MYO5A: variants seen among roughly 807,000 people sequenced by gnomAD.
MYO5A encodes myosin VA.
In MYO5A, 98 loss-of-function variants were observed where a neutral mutation model predicts 249.7. The ratio of observed to expected loss-of-function variants is 0.39; its 90% CI spans 0.33 to 0.46. MYO5A has a LOEUF of 0.46. Among genes scored for constraint, MYO5A ranks in the 20% least tolerant of loss-of-function variants. The probability of loss-of-function intolerance (pLI) is 0.98; values close to 1 mark genes in which losing one functional copy is unlikely to be tolerated. For synonymous variants in MYO5A, 778 were observed against 810.6 expected (o/e 0.96, Z 0.68); for missense variants, 1,696 against 2,308.8 (o/e 0.73, Z 5.44).
chr15:52,485,683 GT>G (rs1175751863), intron 1 of MYO5A, among the ~76,000 whole-genome samples: 1 of 152,094 alleles, frequency 6.6e-6, no homozygotes, highest in African/African-American at 2.4e-5. Context: ...AAAGGAGTGG[GT>G]TTTACATAGA....
rs563777690 is a variant in MYO5A, at chr15:52,523,864, A to G, written c.27+4916T>C. Among the ~76,000 whole-genome samples, 6 of 151,254 alleles carry G rather than the reference A, an allele frequency of 4.0e-5. No individual in the cohort carries two copies. In the South Asian group the frequency reaches 1.2e-3, roughly 31 times the overall value. On this transcript the variant is annotated intron_variant, in intron 1 of 41. Transcript: ENST00000399233. ...AAACTCCAAGTCAGGGCACATGATC[A>G]GAGATGAGATTTCTGTTCCTCTTTA...
chr15:52,472,953 T>C (rs887045345), intron 1 of MYO5A, among the ~76,000 whole-genome samples: 5 of 152,238 alleles, frequency 3.3e-5, no homozygotes, highest in East Asian at 1.9e-4. Flanking sequence ...TTCTAGATCC[T>C]TGAGGAATTG....
At chr15:52,340,840 C>G (rs1258372374) in intron 31 of MYO5A, among the ~76,000 whole-genome samples, 1 of 151,636 alleles carries the variant, frequency 6.6e-6, no homozygotes, top group Non-Finnish European at 1.5e-5. Flanking sequence ...CCCAGCTACT[C>G]AGGAGGCTGA....
At position 52,307,449 on chromosome 15, in the gene MYO5A, A is replaced by G. The variant is rs1464507993; in HGVS notation, c.*6247T>C. ...TCTTAGCACTAGGTGATATCTAGTG[A>G]AAACCCATGTTTCAAAGGCTTTTGT... is the stretch of plus-strand genomic sequence containing the variant. On this transcript the variant is annotated 3_prime_UTR_variant, in exon 42 of 42. Transcript: ENST00000399233. 5 of 152,176 alleles carry G rather than the reference A, an allele frequency of 3.3e-5. No individual in the cohort carries two copies. Among genetic ancestry groups the G allele is most frequent in the Admixed American group, 6.5e-5 (1 of 15,280 alleles). The allele number at this position is 152,176 out of a possible 1,614,324, so 9.4% of individuals were successfully genotyped here.
At chr15:52,524,145 T>G (rs1693508) in intron 1 of MYO5A, among the ~76,000 whole-genome samples, 119,865 of 152,144 alleles carry the variant, frequency 0.79, 45,629 homozygotes, top group South Asian at 0.85. Context: ...TTAGATTGTC[T>G]TTGCACTGTT....
chr15:52,459,146 A>ATTTTTTTTTTTTTTTTTTTTTTTTT (rs199923318), intron 1 of MYO5A, among the ~76,000 whole-genome samples: 1 of 49,058 alleles, frequency 2.0e-5, no homozygotes, highest in African/African-American at 5.7e-5. Context: ...ATTTTCCAGA[A>ATTTTTTTTTTTTTTTTTTTTTTTTT]ATTTTTTTTT....
intron 27 of MYO5A, among the ~76,000 whole-genome samples, chr15:52,353,284 G>T (rs1251740220): frequency 6.6e-6 from 1 of 152,226 alleles, no homozygotes; most frequent in Non-Finnish European, 1.5e-5. Flanking sequence ...CTGGAGAGCA[G>T]ATTCCTACTC....
intron 9 of MYO5A, among the ~76,000 whole-genome samples, chr15:52,399,754 T>C (rs978046716): frequency 2.6e-5 from 4 of 152,194 alleles, no homozygotes; most frequent in Non-Finnish European, 4.4e-5. Context: ...ATTTGGAGTA[T>C]GAATGAATCC....
At chr15:52,452,948 A>C (rs2076050036) in intron 1 of MYO5A, among the ~76,000 whole-genome samples, 1 of 152,256 alleles carries the variant, frequency 6.6e-6, no homozygotes, top group East Asian at 1.9e-4. Context: ...ACTAAACCTA[A>C]GAATTATTGG....
chr15:52,505,684 G>T, intron 1 of MYO5A: 1 of 1,253,230 alleles, frequency 8.0e-7, no homozygotes. Flanking sequence ...AAGCATTCAA[G>T]CAGACGTCTT....
intron 1 of MYO5A, among the ~76,000 whole-genome samples, chr15:52,463,797 T>C (rs1052153262): frequency 5.9e-5 from 9 of 152,258 alleles, no homozygotes; most frequent in African/African-American, 2.2e-4. Flanking sequence ...CTCATAGTGT[T>C]AGAAGCTTCC....
At chr15:52,385,879 A>G (rs577518752) in intron 14 of MYO5A, among the ~76,000 whole-genome samples, 1 of 152,288 alleles carries the variant, frequency 6.6e-6, no homozygotes, top group African/African-American at 2.4e-5. Flanking sequence ...CACTGTCCCC[A>G]CTTCAATGGA....
At position 52,392,017 on chromosome 15, in the gene MYO5A, T is replaced by G; in HGVS notation, c.1455A>C (p.Thr485=). ...GCTGATTATCATAAAAATCTATGAG[T>G]GTCCATGGAATTTGTTCCTTCATAT... ...EEYMKEQIPW[T]LIDFYDNQPC... The change falls in exon 12 of 42, where the codon ACA becomes ACC. Residue 485 remains threonine, a synonymous_variant. Coordinates refer to ENST00000399233, the MANE Select transcript of MYO5A (RefSeq NM_001382347.1). 1 of 1,611,176 alleles carries G rather than the reference T, an allele frequency of 6.2e-7. No homozygotes were observed. Among genetic ancestry groups the G allele is most frequent in the Non-Finnish European group, 8.5e-7 (1 of 1,177,898 alleles).
chr15:52,489,347 G>A (rs890072783), intron 1 of MYO5A, among the ~76,000 whole-genome samples: 30 of 151,484 alleles, frequency 2.0e-4, no homozygotes, highest in Non-Finnish European at 2.8e-4. Context: ...GGCGGATCAC[G>A]AGGTCAGGAG....
chr15:52,390,856 G>A (rs1006537347), intron 12 of MYO5A, among the ~76,000 whole-genome samples: 21 of 151,968 alleles, frequency 1.4e-4, no homozygotes, highest in African/African-American at 4.8e-4. Context: ...CATCATGCCC[G>A]GCCTTCTTTA....
intron 7 of MYO5A, among the ~76,000 whole-genome samples, 199 bp from the exon 8 acceptor site, chr15:52,407,598 TTA>T (rs1379435587): frequency 6.6e-6 from 1 of 151,960 alleles, no homozygotes; most frequent in Non-Finnish European, 1.5e-5. Flanking sequence ...GGTAAAATAT[TTA>T]TAGTTTATTT....
At chr15:52,383,463 A>C (rs2041843333) in intron 15 of MYO5A, among the ~76,000 whole-genome samples, 1 of 152,214 alleles carries the variant, frequency 6.6e-6, no homozygotes, top group Non-Finnish European at 1.5e-5. Context: ...GAAACCTGTT[A>C]TGAGCTTAGT....
chr15:52,366,629 CAAA>C lies in MYO5A; in HGVS notation c.3160+399_3160+401del, dbSNP rs60631867. ...CTTAGAATAACATCCATTGATTTAG[CAAA>C]AAAAAAAAAAAAAAAAAAAGACAAT... is the stretch of plus-strand genomic sequence containing the variant. On this transcript the variant is annotated intron_variant, in intron 23 of 41. Coordinates refer to ENST00000399233, the MANE Select transcript of MYO5A (RefSeq NM_001382347.1). 8.9e-3 allele frequency among the ~76,000 whole-genome samples: 660 copies of C among 74,556 alleles called. 3 individuals are homozygous for C. Among genetic ancestry groups the C allele is most frequent in the African/African-American group, 0.024 (589 of 24,284 alleles). 48.9% of individuals were successfully genotyped at this position (74,556 alleles called of 152,430 possible).
chr15:52,336,559 A>C lies in MYO5A; in HGVS notation c.4315-3T>G. ...TTTTCAAGTTGTTCCATCAAATCCTAAAGATCAAAAAGAGAAATATATTAG... is the reference window on the plus strand; with the variant it reads ...TTTTCAAGTTGTTCCATCAAATCCTCAAGATCAAAAAGAGAAATATATTAG... On this transcript the variant is annotated splice_region_variant and splice_polypyrimidine_tract_variant and intron_variant, in intron 33 of 41. Coordinates refer to ENST00000399233, the MANE Select transcript of MYO5A (RefSeq NM_001382347.1). 1.9e-6 allele frequency: 3 copies of C among 1,585,098 alleles called. No individual in the cohort carries two copies. Among genetic ancestry groups the C allele is most frequent in the Non-Finnish European group, 2.6e-6 (3 of 1,159,790 alleles).
Sources: allele counts gnomAD v4.1 joint callset (sites outside exome capture counted in the v4.1 genomes callset), GRCh38; gene constraint gnomAD v4.1.1; transcripts MANE v1.5; gene names NCBI Gene and HGNC (gene_info 2026-07-23, HGNC 2026-07-21).